CPA6: variants seen among roughly 807,000 people sequenced by gnomAD.
CPA6 encodes the protein carboxypeptidase A6.
CPA6 carries 58 observed loss-of-function variants against 63.3 expected under a neutral mutation model. That is an observed-to-expected ratio of 0.92 (90% CI 0.74 to 1.14). CPA6 has a LOEUF of 1.14. Among genes scored for constraint, CPA6 ranks in the 50% most tolerant of loss-of-function variants. CPA6 has a pLI of 0.00. For synonymous variants in CPA6, 185 were observed against 179.0 expected, an observed-to-expected ratio of 1.03 and a Z score of -0.27; for missense variants, 565 against 526.6, an observed-to-expected ratio of 1.07 and a Z score of -0.71.
intron 2 of CPA6, among the ~76,000 whole-genome samples, chr8:67,541,033 C>G (rs1261541806): frequency 6.6e-6 from 1 of 152,208 alleles, no homozygotes; most frequent in Non-Finnish European, 1.5e-5. Context: ...ACTGGTGTTC[C>G]AGGCACCACT....
chr8:67,581,830 G>C (rs1306343739), intron 2 of CPA6, among the ~76,000 whole-genome samples: 2 of 152,146 alleles, frequency 1.3e-5, no homozygotes, highest in Non-Finnish European at 2.9e-5. Context: ...AATGAGAATG[G>C]AGAACATAAG....
chr8:67,552,794 A>AAAAAAAAAAAAAAAAAAAAAAAAC (rs1812977906), intron 2 of CPA6, among the ~76,000 whole-genome samples: 1 of 149,944 alleles, frequency 6.7e-6, no homozygotes. Flanking sequence ...AAAAAAAAAA[A>AAAAAAAAAAAAAAAAAAAAAAAAC]AAAAAAAGAA....
chr8:67,491,220 G>A (rs1811597884), intron 6 of CPA6, among the ~76,000 whole-genome samples: 2 of 131,440 alleles, frequency 1.5e-5, no homozygotes, highest in Non-Finnish European at 3.2e-5. Flanking sequence ...AGTTTACAGG[G>A]AAGTTTTTTT....
chr8:67,706,342 A>G (rs1817135126), intron 1 of CPA6, among the ~76,000 whole-genome samples: 1 of 152,218 alleles, frequency 6.6e-6, no homozygotes, highest in Non-Finnish European at 1.5e-5. Flanking sequence ...TCTAGGACAT[A>G]ATCAGAATCT....
At chr8:67,510,043 A>G (rs552618789) in intron 4 of CPA6, among the ~76,000 whole-genome samples, 2 of 152,316 alleles carry the variant, frequency 1.3e-5, no homozygotes, top group African/African-American at 4.8e-5. Context: ...AAAGTCCCAT[A>G]TATTACAATT....
chr8:67,516,345 G>A (rs1812144104), intron 3 of CPA6, among the ~76,000 whole-genome samples: 1 of 152,094 alleles, frequency 6.6e-6, no homozygotes, highest in African/African-American at 2.4e-5. Context: ...AGAGAATGAG[G>A]TATCCTTCCT....
chr8:67,667,410 C>T (rs1006587664), intron 1 of CPA6, among the ~76,000 whole-genome samples: 4 of 151,972 alleles, frequency 2.6e-5, no homozygotes, highest in Non-Finnish European at 4.4e-5. Context: ...ATATCAGAGC[C>T]AAAACCAGGG....
chr8:67,432,515 A>C (rs1245516351), intron 9 of CPA6, among the ~76,000 whole-genome samples: 1 of 152,146 alleles, frequency 6.6e-6, no homozygotes, highest in East Asian at 1.9e-4. Flanking sequence ...GCTGCAGGGC[A>C]GTGGCATGAA....
At chr8:67,545,580 T>TTTTTTTTTTTTTTTTG (rs750417027) in intron 2 of CPA6, among the ~76,000 whole-genome samples, 15 of 125,668 alleles carry the variant, frequency 1.2e-4, no homozygotes, top group East Asian at 2.4e-4. Context: ...TTTTTTTTTT[T>TTTTTTTTTTTTTTTTG]TTTTGAGATG....
At chr8:67,581,197 C>T (rs1480532103) in intron 2 of CPA6, among the ~76,000 whole-genome samples, 9 of 152,122 alleles carry the variant, frequency 5.9e-5, no homozygotes, top group African/African-American at 1.4e-4. Context: ...GGGTAATGTA[C>T]GGTTAATGAC....
At position 67,644,634 on chromosome 8, in the gene CPA6, G is replaced by A. The variant is rs1815675536; in HGVS notation, c.117-20383C>T. Among the ~76,000 whole-genome samples, 3 of 152,330 alleles carry A rather than the reference G, an allele frequency of 2.0e-5. No individual in the cohort carries two copies. The South Asian group carries it at 6.2e-4, about 32-fold the overall frequency. ...TTCTGTGCACCGGAACTTGAAGAGG[G>A]ATTGCAGACTGTGGGGACTTTTAGG... On this transcript the variant is annotated intron_variant, in intron 1 of 10. Coordinates refer to ENST00000297770, the MANE Select transcript of CPA6 (RefSeq NM_020361.5).
At chr8:67,646,909 T>G (rs1251780839) in intron 1 of CPA6, among the ~76,000 whole-genome samples, 1 of 152,088 alleles carries the variant, frequency 6.6e-6, no homozygotes, top group Non-Finnish European at 1.5e-5. Flanking sequence ...GCAGGCCCTA[T>G]AGGAAGTTTG....
At chr8:67,487,264 C>T (rs1453834350) in intron 6 of CPA6, among the ~76,000 whole-genome samples, 1 of 152,068 alleles carries the variant, frequency 6.6e-6, no homozygotes, top group Non-Finnish European at 1.5e-5. Flanking sequence ...TCCAAGTGCT[C>T]TCATTATTCA....
At chr8:67,735,435 T>C (rs1817793175) in intron 1 of CPA6, 1 of 152,196 alleles carries the variant, frequency 6.6e-6, no homozygotes, top group African/African-American at 2.4e-5. Context: ...TTCCGATAAC[T>C]TAATGAGGAA....
intron 2 of CPA6, among the ~76,000 whole-genome samples, chr8:67,540,155 T>G (rs1177701359): frequency 1.3e-5 from 2 of 152,186 alleles, no homozygotes; most frequent in Non-Finnish European, 2.9e-5. Context: ...CCTTTGGTCT[T>G]TGATGTTGGT....
chr8:67,461,649 T>C lies in CPA6; in HGVS notation c.838+22119A>G, dbSNP rs369449434. On this transcript the variant is annotated intron_variant, in intron 8 of 10. Coordinates refer to ENST00000297770, the MANE Select transcript of CPA6 (RefSeq NM_020361.5). The stretch of plus-strand genomic sequence containing the variant: ...CCCAGTAGGGGCGGCCGGGCAGAGG[T>C]GCCCCTCACCTCCCGGACGGGGCGG... 4.3e-4 allele frequency among the ~76,000 whole-genome samples: 64 copies of C among 150,460 alleles called. 2 individuals carry two copies. The East Asian group carries it at 8.5e-3, about 20-fold the overall frequency.
At chr8:67,608,712 T>C (rs1814729569) in intron 2 of CPA6, among the ~76,000 whole-genome samples, 1 of 152,170 alleles carries the variant, frequency 6.6e-6, no homozygotes, top group African/African-American at 2.4e-5. Context: ...GATGCTGCCA[T>C]GGGGCCGGAG....
rs567011241 is a variant in CPA6, at chr8:67,728,088, A to G, written c.116+17926T>C. ...GTGAGACTCTGTCTCAAAAAAAAAAAAAACAAAAAAAACCCACAAAAACCA... is the reference window on the plus strand; with the variant it reads ...GTGAGACTCTGTCTCAAAAAAAAAAGAAACAAAAAAAACCCACAAAAACCA... On this transcript the variant is annotated intron_variant, in intron 1 of 10. Coordinates refer to ENST00000297770, the MANE Select transcript of CPA6 (RefSeq NM_020361.5). Among the ~76,000 whole-genome samples, 32 of 151,036 alleles carry G rather than the reference A, an allele frequency of 2.1e-4. 1 individual carries two copies. The highest frequency in any genetic ancestry group is 4.0e-4 in the Admixed American group (6 of 15,166).
chr8:67,740,146 A>G (rs1817885837), intron 1 of CPA6, among the ~76,000 whole-genome samples: 1 of 152,228 alleles, frequency 6.6e-6, no homozygotes, highest in African/African-American at 2.4e-5. Flanking sequence ...CTCAGTTGGG[A>G]AGGAGGCACT....
Sources: allele counts gnomAD v4.1 joint callset (sites outside exome capture counted in the v4.1 genomes callset), GRCh38; gene constraint gnomAD v4.1.1; transcripts MANE v1.5; gene names NCBI Gene and HGNC (gene_info 2026-07-23, HGNC 2026-07-21).